Variants in IL12RB1 observed in about 807,000 individuals in gnomAD.
The protein encoded by IL12RB1 is interleukin-12 receptor subunit beta-1.
IL12RB1 carries 64 observed loss-of-function variants against 94.4 expected under a neutral mutation model. The observed-to-expected ratio is 0.68, with a 90% CI of 0.55 to 0.83. The LOEUF (loss-of-function observed/expected upper bound fraction) is 0.83. Ranked by LOEUF, IL12RB1 falls within the 40% of genes least tolerant of loss-of-function variation. IL12RB1 has a pLI of 0.00. For synonymous variants in IL12RB1, 362 were observed against 355.5 expected, an observed-to-expected ratio of 1.02 and a Z score of -0.21; for missense variants, 814 against 855.6, an observed-to-expected ratio of 0.95 and a Z score of 0.61.
At chr19:18,062,019 A>C (rs891495424) in intron 14 of IL12RB1, among the ~76,000 whole-genome samples, 162 bp downstream of exon 14, 1 of 152,162 alleles carries the variant, frequency 6.6e-6, no homozygotes, top group African/African-American at 2.4e-5. Flanking sequence ...ACGGAGCTAT[A>C]ACTGCTGCTT....
chr19:18,064,092 G>T, intron 12 of IL12RB1, 82 bp from the exon 13 acceptor site: 1 of 912,490 alleles, frequency 1.1e-6, no homozygotes, highest in Non-Finnish European at 1.8e-6. Flanking sequence ...CCTGTGGGTG[G>T]GGTGGGGATT....
Position 18,080,961 on chromosome 19 carries a change from C to T in IL12RB1, c.280G>A (p.Ala94Thr), listed in dbSNP as rs747526703. Residue 94 changes from alanine (A) to threonine (T), a missense_variant, in exon 4 of 17, where the codon GCC becomes ACC. Ala to Thr is a moderately conservative substitution (Grantham distance 58). Coordinates refer to ENST00000593993, the MANE Select transcript of IL12RB1 (RefSeq NM_005535.3). ...TGGTCGGAGAACTGCAGCCTGGTGGCTGAGCCGGCGGCGAAGTAGCAGCAG... is the reference window on the plus strand; with the variant it reads ...TGGTCGGAGAACTGCAGCCTGGTGGTTGAGCCGGCGGCGAAGTAGCAGCAG... The part of the protein sequence containing the change: ...GRCCYFAAGS[A>T]TRLQFSDQAG... 1.3e-5 allele frequency: 21 copies of T among 1,613,594 alleles called. No individual in the cohort carries two copies. Among genetic ancestry groups the T allele is most frequent in the Non-Finnish European group, 1.6e-5 (19 of 1,179,918 alleles).
Position 18,069,472 on chromosome 19 carries a change from C to A in IL12RB1, c.1189+74G>T, listed in dbSNP as rs906024031. On this transcript the variant is annotated intron_variant, in intron 10 of 16. Transcript: ENST00000593993. ...AGACACCCGCTGTGTGCCTTCCCTG[C>A]AGGTTTGAACCCACCAGGACCTAAA... 9 of 1,379,386 alleles carry A rather than the reference C, an allele frequency of 6.5e-6. No homozygotes were observed. In the African/African-American group the frequency reaches 7.1e-5, roughly 11 times the overall value. 85.4% of individuals were successfully genotyped at this position (1,379,386 alleles called of 1,614,324 possible).
At chr19:18,088,911 T>G (rs1448435182), upstream of IL12RB1, among the ~76,000 whole-genome samples, 2 of 152,034 alleles carry the variant, frequency 1.3e-5, no homozygotes, top group Non-Finnish European at 2.9e-5. Context: ...GTGCCTGTAA[T>G]TCCAGCTATT....
chr19:18,075,995 A>G, intron 6 of IL12RB1, 127 bp from the exon 7 acceptor site: 1 of 916,902 alleles, frequency 1.1e-6, no homozygotes, highest in Non-Finnish European at 1.8e-6. Flanking sequence ...CTGGGGGCTC[A>G]GCAGAAGCAG....
At chr19:18,081,589 G>A (rs577986561) in intron 3 of IL12RB1, among the ~76,000 whole-genome samples, 14 of 151,776 alleles carry the variant, frequency 9.2e-5, no homozygotes, top group South Asian at 4.2e-4. Context: ...GGAGGCCAAG[G>A]GGGGGTGGAT....
intron 1 of IL12RB1, among the ~76,000 whole-genome samples, chr19:18,097,426 T>G (rs1169128328): frequency 6.6e-6 from 1 of 152,102 alleles, no homozygotes; most frequent in African/African-American, 2.4e-5. Context: ...CTCGAACTCC[T>G]GACCTCAAGT....
chr19:18,076,614 G>A (rs889406698), intron 5 of IL12RB1, among the ~76,000 whole-genome samples: 1 of 152,008 alleles, frequency 6.6e-6, no homozygotes, highest in African/African-American at 2.4e-5. Flanking sequence ...ATGTTGCCCA[G>A]GCTGGTCTCA....
At chr19:18,080,779 G>T (rs2035842155) in intron 4 of IL12RB1, 53 bp downstream of exon 4, 1 of 1,219,524 alleles carries the variant, frequency 8.2e-7, no homozygotes, top group Middle Eastern at 1.9e-4. Context: ...CAGCCTTGCA[G>T]CCTGATGGCC....
intron 11 of IL12RB1, 98 bp downstream of exon 11, chr19:18,068,291 G>T (rs1019723661): frequency 1.0e-6 from 1 of 999,926 alleles, no homozygotes. Context: ...CTCCCAAAGT[G>T]CTGGGATTAC....
rs1193061762 is a variant in IL12RB1 at position 18,059,307 on chromosome 19, AG to A, written c.*300del. 1.9e-6 allele frequency: 1 copy of A among 515,622 alleles called. No individual in the cohort carries two copies. Among genetic ancestry groups the A allele is most frequent in the Middle Eastern group, 5.3e-4 (1 of 1,872 alleles). The allele number at this position is 515,622 out of a possible 1,614,324, so 31.9% of individuals were successfully genotyped here. On this transcript the variant is annotated 3_prime_UTR_variant, in exon 17 of 17. Coordinates refer to ENST00000593993, the MANE Select transcript of IL12RB1 (RefSeq NM_005535.3). ...GCTCCTGGGGGTGGATGCCCAGCCCAGGGTCCAGGGATCCATCTGAGCCCCC... is the reference window on the plus strand; with the variant it reads ...GCTCCTGGGGGTGGATGCCCAGCCCAGGTCCAGGGATCCATCTGAGCCCCC...
At position 18,082,247 on chromosome 19, in the gene IL12RB1, T is replaced by C. The variant is rs1568517733; in HGVS notation, c.142A>G (p.Arg48Gly). ...DADSGSASGP[R>G]DLRCYRISSD... ...GATATCCGATAGCATCTCAGGTCCC[T>C]AGGGCCCGAGGCCGAGCCTGGAAGA... The change falls in exon 3 of 17, where the codon AGG becomes GGG. Residue 48 changes from arginine (R) to glycine (G), a missense_variant. Transcript: ENST00000593993. 1 of 1,611,580 alleles carries C rather than the reference T, an allele frequency of 6.2e-7. No individual in the cohort carries two copies. Among genetic ancestry groups the C allele is most frequent in the Admixed American group, 1.7e-5 (1 of 59,832 alleles).
upstream of IL12RB1, among the ~76,000 whole-genome samples, chr19:18,088,670 C>T (rs146848473): frequency 1.3e-5 from 2 of 152,068 alleles, no homozygotes; most frequent in African/African-American, 4.8e-5. Context: ...TCCCCACTGT[C>T]GGCAAAGCCT....
At position 18,064,002 on chromosome 19, in the gene IL12RB1, C is replaced by A; in HGVS notation, c.1492G>T (p.Val498Leu). Residue 498 changes from valine (V) to leucine (L), a missense_variant, in exon 13 of 17, where the codon GTG (valine) becomes TTG (leucine). Transcript: ENST00000593993. ...GTAACTTGGGTCTCTGTGGGCTGCA[C>A]GGGATGCTCTGCAGTGGGAGAGGCA... ...EDSKQVSEHPVQPTETQVTLS... is the reference protein window; with the variant it reads ...EDSKQVSEHPLQPTETQVTLS... 1.2e-6 allele frequency: 2 copies of A among 1,611,848 alleles called. No individual in the cohort carries two copies. Among genetic ancestry groups the A allele is most frequent in the Non-Finnish European group, 1.7e-6 (2 of 1,178,316 alleles).
chr19:18,082,122 G>A (rs2035956418), intron 3 of IL12RB1, 28 bp downstream of exon 3: 16 of 1,382,204 alleles, frequency 1.2e-5, no homozygotes, highest in Non-Finnish European at 1.6e-5. Context: ...GGTGGGTGAG[G>A]GTTTGGGAAT....
chr19:18,087,005 A>C, upstream of IL12RB1: 4 of 1,359,506 alleles, frequency 2.9e-6, no homozygotes, highest in Non-Finnish European at 4.0e-6. Flanking sequence ...GTGAAAGAGA[A>C]ACCCAGGAAG....
At position 18,080,395 on chromosome 19, in the gene IL12RB1, C is replaced by T. The variant is rs414388; in HGVS notation, c.409+437G>A. On this transcript the variant is annotated intron_variant, in intron 4 of 16. Coordinates refer to ENST00000593993, the MANE Select transcript of IL12RB1 (RefSeq NM_005535.3). ...CTGGGACTACAGGCGCGCGTGGCCACTCCTGGCTAATTTTTGTATTTTTAA... is the reference window on the plus strand; with the variant it reads ...CTGGGACTACAGGCGCGCGTGGCCATTCCTGGCTAATTTTTGTATTTTTAA... Among the ~76,000 whole-genome samples, 1,019 of 152,234 alleles carry T rather than the reference C, an allele frequency of 6.7e-3. 10 individuals are homozygous for T. The highest frequency in any genetic ancestry group is 0.023 in the African/African-American group (972 of 41,532).
intron 11 of IL12RB1, among the ~76,000 whole-genome samples, chr19:18,067,450 G>A (rs17886057): frequency 1.3e-5 from 2 of 151,848 alleles, no homozygotes; most frequent in Non-Finnish European, 2.9e-5. Flanking sequence ...TTTAATTCTG[G>A]TTCTGCCACT....
At chr19:18,072,460 A>G (rs2035134297) in intron 8 of IL12RB1, 111 bp from the exon 9 acceptor site, 1 of 744,796 alleles carries the variant, frequency 1.3e-6, no homozygotes, top group Non-Finnish European at 2.4e-6. Flanking sequence ...GCCACAGCCA[A>G]TAACATGCAT....
Sources: allele counts gnomAD v4.1 joint callset (sites outside exome capture counted in the v4.1 genomes callset), GRCh38; gene constraint gnomAD v4.1.1; transcripts MANE v1.5; gene names NCBI Gene and HGNC (gene_info 2026-07-23, HGNC 2026-07-21).